Variants in RALGPS2 observed in about 807,000 individuals in gnomAD.
RALGPS2 encodes the protein Ral GEF with PH domain and SH3 binding motif 2, also known as ras-specific guanine nucleotide-releasing factor RalGPS2.
In RALGPS2, 43 loss-of-function variants were observed where a neutral mutation model predicts 86.8. The observed-to-expected ratio is 0.50, with a 90% CI of 0.39 to 0.64. RALGPS2 has a LOEUF of 0.64. Ranked by LOEUF, RALGPS2 falls within the 30% of genes least tolerant of loss-of-function variation. The probability of loss-of-function intolerance (pLI) is 0.00; values close to 1 mark genes in which losing one functional copy is unlikely to be tolerated. For missense variants in RALGPS2, 536 were observed against 694.6 expected (o/e 0.77, Z 2.57); for synonymous variants, 243 against 231.3 (o/e 1.05, Z -0.46).
chr1:178,853,278 G>T (rs1209442174), intron 8 of RALGPS2: 1 of 923,682 alleles, frequency 1.1e-6, no homozygotes. Context: ...CTTAAAAAGG[G>T]TTCCTGGTCT....
chr1:178,886,316 G>A (rs1255286001), intron 13 of RALGPS2, among the ~76,000 whole-genome samples, 196 bp downstream of exon 13: 1 of 152,220 alleles, frequency 6.6e-6, no homozygotes, highest in Non-Finnish European at 1.5e-5. Context: ...AGAAGGGGAA[G>A]CATTTGAAGA....
intron 8 of RALGPS2, among the ~76,000 whole-genome samples, chr1:178,839,449 G>A (rs1656465093): frequency 6.6e-6 from 1 of 152,166 alleles, no homozygotes; most frequent in Non-Finnish European, 1.5e-5. Flanking sequence ...ATCCTTTACA[G>A]ACAAGCAAAT....
intron 3 of RALGPS2, 46 bp downstream of exon 3, chr1:178,784,568 A>C: frequency 7.0e-7 from 1 of 1,429,620 alleles, no homozygotes. Context: ...CATAATTTAC[A>C]TATTGGTGCT....
intron 1 of RALGPS2, among the ~76,000 whole-genome samples, chr1:178,741,978 A>G (rs1213992396): frequency 1.3e-5 from 2 of 151,984 alleles, no homozygotes; most frequent in African/African-American, 2.4e-5. Context: ...TCTACCAAAA[A>G]TACAAAAATT....
chr1:178,784,534 A>T lies in RALGPS2; in HGVS notation c.162+12A>T. 6.5e-7 allele frequency: 1 copy of T among 1,547,748 alleles called. No individual in the cohort carries two copies. Among genetic ancestry groups the T allele is most frequent in the Non-Finnish European group, 8.8e-7 (1 of 1,135,096 alleles). On this transcript the variant is annotated intron_variant, in intron 3 of 19. Coordinates refer to ENST00000367635, the MANE Select transcript of RALGPS2 (RefSeq NM_152663.5). The stretch of plus-strand genomic sequence containing the variant: ...CAGAAGAATATGCGGTAAGCCTCCT[A>T]CCTCTGTCTTCTCCGGTTTTGCACA...
intron 1 of RALGPS2, among the ~76,000 whole-genome samples, chr1:178,763,031 CA>C (rs1652329806): frequency 6.6e-6 from 1 of 151,942 alleles, no homozygotes; most frequent in Non-Finnish European, 1.5e-5. Context: ...GTATATGGTA[CA>C]AGGAAGGGGT....
chr1:178,727,096 A>T (rs1191715867), intron 1 of RALGPS2, among the ~76,000 whole-genome samples: 2 of 152,274 alleles, frequency 1.3e-5, no homozygotes, highest in African/African-American at 4.8e-5. Context: ...TCTAAATATC[A>T]AAATGTAAGG....
At chr1:178,843,898 G>A (rs1377931881) in intron 8 of RALGPS2, among the ~76,000 whole-genome samples, 1 of 152,148 alleles carries the variant, frequency 6.6e-6, no homozygotes, top group East Asian at 1.9e-4. Context: ...ACTCAGTTTA[G>A]TTCGTTTCCA....
intron 8 of RALGPS2, among the ~76,000 whole-genome samples, chr1:178,860,433 C>A (rs1393244449): frequency 1.3e-5 from 2 of 152,092 alleles, no homozygotes; most frequent in African/African-American, 2.4e-5. Context: ...GTCATAACAT[C>A]TTTTATAAAA....
intron 8 of RALGPS2, among the ~76,000 whole-genome samples, chr1:178,872,464 C>T (rs1226342293): frequency 2.0e-5 from 3 of 152,132 alleles, no homozygotes; most frequent in African/African-American, 7.2e-5. Context: ...AAGGGATCTG[C>T]CTGCACCTTC....
rs536243094 is a variant in RALGPS2, at chr1:178,739,197, C to A, written c.-84+13778C>A. Among the ~76,000 whole-genome samples, 4 of 152,256 alleles carry A rather than the reference C, an allele frequency of 2.6e-5. No individual in the cohort carries two copies. In the South Asian group the frequency reaches 8.3e-4, roughly 32 times the overall value. On this transcript the variant is annotated intron_variant, in intron 1 of 19. Coordinates refer to ENST00000367635, the MANE Select transcript of RALGPS2 (RefSeq NM_152663.5). ...AGGAATAAGTCTACTTAAAGAGCAA[C>A]ATTTTGAGGATATCTTATGGATAAG...
intron 4 of RALGPS2, among the ~76,000 whole-genome samples, chr1:178,798,161 A>G (rs1654297250): frequency 6.6e-6 from 1 of 152,158 alleles, no homozygotes; most frequent in African/African-American, 2.4e-5. Flanking sequence ...TATGCACACA[A>G]AGACCTTGTG....
chr1:178,807,508 G>A (rs886782434), intron 4 of RALGPS2, among the ~76,000 whole-genome samples: 4 of 152,064 alleles, frequency 2.6e-5, no homozygotes, highest in African/African-American at 9.7e-5. Flanking sequence ...ATAACTAAAA[G>A]GACTGTCTTA....
chr1:178,818,022 C>G (rs1003787510), intron 6 of RALGPS2, among the ~76,000 whole-genome samples: 1 of 152,098 alleles, frequency 6.6e-6, no homozygotes, highest in African/African-American at 2.4e-5. Flanking sequence ...TCTCTTCTCC[C>G]AGGGTGGTTA....
chr1:178,892,845 G>T (rs913803066), intron 15 of RALGPS2, among the ~76,000 whole-genome samples: 2 of 152,076 alleles, frequency 1.3e-5, no homozygotes, highest in Non-Finnish European at 2.9e-5. Context: ...GGCAGATAAG[G>T]GTGGTGTATT....
chr1:178,810,044 C>A (rs1419451080), intron 5 of RALGPS2, among the ~76,000 whole-genome samples: 1 of 150,602 alleles, frequency 6.6e-6, no homozygotes, highest in Non-Finnish European at 1.5e-5. Context: ...CCCAAGAGTT[C>A]AAGACCAGCT....
rs947145167 is a variant in RALGPS2, at chr1:178,795,424, G to GT, written c.213+9823dup. Reference sequence around the variant, plus strand: ...TAAAATATTTCTTGTTTGTTTGTTTGTTTTTTGAGACAAAGTCTTACTCTG... The same window carrying GT: ...TAAAATATTTCTTGTTTGTTTGTTTGTTTTTTTGAGACAAAGTCTTACTCTG... On this transcript the variant is annotated intron_variant, in intron 4 of 19. Coordinates refer to ENST00000367635, the MANE Select transcript of RALGPS2 (RefSeq NM_152663.5). Among the ~76,000 whole-genome samples the GT allele has an allele frequency of 2.0e-5, 3 of 152,044 alleles. No individual in the cohort carries two copies. In the East Asian group the frequency reaches 5.8e-4, roughly 29 times the overall value.
chr1:178,844,260 A>G lies in RALGPS2; in HGVS notation c.607+10710A>G, dbSNP rs1387801962. ...TCCATGAAATATCTATAGTGCATAG[A>G]AAAAAGGTAACCGCTAATGATTTCT... On this transcript the variant is annotated intron_variant, in intron 8 of 19. Transcript: ENST00000367635. Among the ~76,000 whole-genome samples the G allele has an allele frequency of 6.6e-5, 10 of 152,316 alleles. No homozygotes were observed. In the East Asian group the frequency reaches 1.9e-3, roughly 29 times the overall value.
At chr1:178,853,525 A>G in intron 8 of RALGPS2, 2 of 1,231,718 alleles carry the variant, frequency 1.6e-6, no homozygotes, top group Non-Finnish European at 2.2e-6. Context: ...ATTGCATAGC[A>G]TCTTGTTTCT....
Sources: gnomAD v4.1 joint callset for allele counts (sites outside exome capture counted in the v4.1 genomes callset) on GRCh38, gnomAD v4.1.1 for gene constraint, MANE v1.5 for transcripts, NCBI Gene and HGNC (gene_info 2026-07-23, HGNC 2026-07-21) for gene names.